Variants in RAP1GAP2 observed in about 807,000 individuals in gnomAD.
RAP1GAP2 encodes the protein rap1 GTPase-activating protein 2.
In RAP1GAP2, 27 loss-of-function variants were observed where a neutral mutation model predicts 95.0. That is an observed-to-expected ratio of 0.28 (90% CI 0.21 to 0.39). The LOEUF (loss-of-function observed/expected upper bound fraction) is 0.39, where lower values mean the gene tolerates loss of function less well. Among genes scored for constraint, RAP1GAP2 ranks in the 10% least tolerant of loss-of-function variants. The pLI is 1.00. For synonymous variants in RAP1GAP2, 373 were observed against 380.9 expected (o/e 0.98, Z 0.24); for missense variants, 771 against 970.0 (o/e 0.79, Z 2.72).
chr17:2,950,336 G>A lies in RAP1GAP2; in HGVS notation c.166-7423G>A, dbSNP rs372188320. Among the ~76,000 whole-genome samples, 14 of 152,210 alleles carry A rather than the reference G, an allele frequency of 9.2e-5. 1 individual carries two copies. In the East Asian group the frequency reaches 1.6e-3, roughly 17 times the overall value. ...CAAAATGTTGGGATTACAGGTGTGA[G>A]CCAATGCGCCCAGCCAGACTCATTT... On this transcript the variant is annotated intron_variant, in intron 3 of 24. Coordinates refer to ENST00000254695, the MANE Select transcript of RAP1GAP2 (RefSeq NM_015085.5).
At chr17:2,809,344 G>A (rs752023445) in intron 2 of RAP1GAP2, among the ~76,000 whole-genome samples, 3 of 152,242 alleles carry the variant, frequency 2.0e-5, no homozygotes, top group Non-Finnish European at 4.4e-5. Context: ...CACGGAGCCC[G>A]TGAGGGTGTT....
chr17:2,769,674 T>A lies in RAP1GAP2; in HGVS notation c.51-655T>A, dbSNP rs1310773653. On this transcript the variant is annotated intron_variant, in intron 1 of 25. Coordinates refer to the RAP1GAP2 transcript ENST00000637138. Reference sequence around the variant, plus strand: ...GCTTAAAGGATGGACACTTGCCTGATGCCTGAATTGCCTGTGTGTCCTCTG... The same window carrying A: ...GCTTAAAGGATGGACACTTGCCTGAAGCCTGAATTGCCTGTGTGTCCTCTG... Among the ~76,000 whole-genome samples the A allele has an allele frequency of 2.0e-5, 3 of 152,234 alleles. No individual in the cohort carries two copies. The East Asian group carries it at 5.8e-4, about 29-fold the overall frequency.
At position 2,803,679 on chromosome 17, in the gene RAP1GAP2, G is replaced by A. The variant is rs80347267; in HGVS notation, c.80+3129G>A. 4.6e-5 allele frequency among the ~76,000 whole-genome samples: 7 copies of A among 152,294 alleles called. No individual in the cohort carries two copies. In the East Asian group the frequency reaches 7.7e-4, roughly 17 times the overall value. On this transcript the variant is annotated intron_variant, in intron 2 of 24. Transcript: ENST00000254695. ...GGATCATTTGAGGTCAGGAGTTTGC[G>A]ACAAGCCTGACCAACATGGTAAAAC...
intron 10 of RAP1GAP2, among the ~76,000 whole-genome samples, chr17:2,981,691 C>G (rs535967335): frequency 6.6e-6 from 1 of 152,278 alleles, no homozygotes; most frequent in South Asian, 2.1e-4. Context: ...TACTGCAGCT[C>G]TCCGGCCATA....
chr17:3,019,292 C>G (rs2046877904), intron 18 of RAP1GAP2, among the ~76,000 whole-genome samples: 1 of 151,982 alleles, frequency 6.6e-6, no homozygotes, highest in Non-Finnish European at 1.5e-5. Flanking sequence ...AGGGTGGATC[C>G]CTTGAGTCCA....
chr17:2,921,860 C>T (rs1248766768), intron 3 of RAP1GAP2, among the ~76,000 whole-genome samples: 1 of 152,218 alleles, frequency 6.6e-6, no homozygotes, highest in Non-Finnish European at 1.5e-5. Flanking sequence ...CACAGCTCTG[C>T]TCTCTTCCTC....
At chr17:2,964,122 T>G (rs1597737268) in intron 7 of RAP1GAP2, 54 bp downstream of exon 7, 2 of 1,402,294 alleles carry the variant, frequency 1.4e-6, no homozygotes, top group Non-Finnish European at 1.9e-6. Context: ...CTGGGGACGC[T>G]GGGAGAGAGG....
chr17:3,015,571 C>T (rs771949865), intron 17 of RAP1GAP2, among the ~76,000 whole-genome samples: 66 of 152,152 alleles, frequency 4.3e-4, no homozygotes, highest in Non-Finnish European at 7.3e-4. Context: ...GTAATCCCAG[C>T]ACTTTGGGAG....
In RAP1GAP2 at chr17:2,828,750, C is replaced by T. The variant is rs547167514; in HGVS notation, c.80+28200C>T. On this transcript the variant is annotated intron_variant, in intron 2 of 24. Coordinates refer to ENST00000254695, the MANE Select transcript of RAP1GAP2 (RefSeq NM_015085.5). ...ACCCTCTGGGGAGATAAGCCCTGGC[C>T]GGGGGCAGAAGAGCAGTTGTAATGG... 5.9e-5 allele frequency among the ~76,000 whole-genome samples: 9 copies of T among 152,210 alleles called. No individual in the cohort carries two copies. The East Asian group carries it at 1.7e-3, about 29-fold the overall frequency.
In RAP1GAP2 at chr17:2,906,081, C is replaced by T. The variant is rs1291628449; in HGVS notation, c.165+713C>T. 6.6e-6 allele frequency among the ~76,000 whole-genome samples: 1 copy of T among 152,188 alleles called. No individual in the cohort carries two copies. The highest frequency in any genetic ancestry group is 6.5e-5 in the Admixed American group (1 of 15,278). The stretch of plus-strand genomic sequence containing the variant: ...GTTTCTGCATAGGCTGGCATGCACG[C>T]TCTCCCTCCCTCCCTCCCTGCCTCC... On this transcript the variant is annotated intron_variant, in intron 3 of 24. Transcript: ENST00000254695. The surrounding 1 kb of genome is among the most constrained non-coding windows in gnomAD (Gnocchi z 4.3).
intron 2 of RAP1GAP2, among the ~76,000 whole-genome samples, chr17:2,820,903 T>TTTTTTTTTTTTTTTTTTTTTG (rs1567678183): frequency 4.1e-5 from 6 of 145,968 alleles, no homozygotes; most frequent in African/African-American, 1.5e-4. Context: ...TTTTTTTTTT[T>TTTTTTTTTTTTTTTTTTTTTG]TTTTTTGTAT....
intron 1 of RAP1GAP2, among the ~76,000 whole-genome samples, chr17:2,783,480 A>G (rs2068704599): frequency 6.6e-6 from 1 of 152,236 alleles, no homozygotes; most frequent in Non-Finnish European, 1.5e-5. Flanking sequence ...TAATGAATGA[A>G]GAGAGGACTG....
intron 2 of RAP1GAP2, among the ~76,000 whole-genome samples, chr17:2,851,869 C>T (rs1485247277): frequency 6.6e-6 from 1 of 152,140 alleles, no homozygotes; most frequent in Non-Finnish European, 1.5e-5. Context: ...GTGTGAGCCA[C>T]CCTGTTACCC....
intron 2 of RAP1GAP2, among the ~76,000 whole-genome samples, chr17:2,839,077 T>C (rs1427905995): frequency 3.3e-5 from 5 of 152,038 alleles, no homozygotes. Flanking sequence ...CCAAGGCAGG[T>C]GGATCACTTA....
upstream of RAP1GAP2, among the ~76,000 whole-genome samples, chr17:2,793,365 G>T (rs2068979665): frequency 6.6e-6 from 1 of 152,142 alleles, no homozygotes; most frequent in African/African-American, 2.4e-5. Context: ...TGTTGGCCAG[G>T]CTGGTCTCGA....
chr17:2,885,608 C>G lies in RAP1GAP2; in HGVS notation c.81-19676C>G, dbSNP rs147864323. Among the ~76,000 whole-genome samples, 1,360 of 152,318 alleles carry G rather than the reference C, an allele frequency of 8.9e-3. 16 individuals carry two copies. The highest frequency in any genetic ancestry group is 0.014 in the Non-Finnish European group (946 of 68,032). ...GTGTTCTCTCCCTTTGGCAGCTCCT[C>G]GCATCCCACCACGTACACTCAGTTC... On this transcript the variant is annotated intron_variant, in intron 2 of 24. Transcript: ENST00000254695.
intron 2 of RAP1GAP2, among the ~76,000 whole-genome samples, chr17:2,831,465 C>T (rs1244449929): frequency 1.1e-4 from 16 of 151,936 alleles, no homozygotes; most frequent in African/African-American, 2.4e-5. Flanking sequence ...CCTGTCTGAC[C>T]ACTGAGAGCT....
chr17:2,932,816 C>CT (rs2043195899), intron 3 of RAP1GAP2, among the ~76,000 whole-genome samples: 2 of 10,166 alleles, frequency 2.0e-4, no homozygotes, highest in South Asian at 1.6e-3. Context: ...GACTCCATCT[C>CT]AAAAAAAGAA....
At chr17:2,802,792 A>G (rs1403481154) in intron 2 of RAP1GAP2, among the ~76,000 whole-genome samples, 1 of 152,052 alleles carries the variant, frequency 6.6e-6, no homozygotes, top group Non-Finnish European at 1.5e-5. Context: ...AGTAGCTCTT[A>G]GAGATGAAGC....
Sources: allele counts gnomAD v4.1 joint callset (sites outside exome capture counted in the v4.1 genomes callset), GRCh38; gene constraint gnomAD v4.1.1; non-coding constraint Gnocchi (gnomAD v3.1); transcripts MANE v1.5; gene names NCBI Gene and HGNC (gene_info 2026-07-23, HGNC 2026-07-21).